The following NCAM1 variants were observed in gnomAD, a reference collection of about 807,000 sequenced individuals.
NCAM1 encodes neural cell adhesion molecule 1, also known as antigen recognized by monoclonal antibody 5.1H11.
A neutral mutation model predicts 109.8 loss-of-function variants in NCAM1; 14 were observed. The observed-to-expected ratio is 0.13, with a 90% CI of 0.08 to 0.20. The LOEUF is 0.20. Among genes scored for constraint, NCAM1 ranks in the 10% least tolerant of loss-of-function variants. NCAM1 has a pLI of 1.00. For missense variants in NCAM1, 774 were observed against 1,109.9 expected (o/e 0.70, Z 4.30); for synonymous variants, 418 against 442.9 (o/e 0.94, Z 0.70).
rs1945069862 is a variant in NCAM1, at chr11:113,233,469, C to T, written c.1693+152C>T. 2.8e-5 allele frequency among the ~76,000 whole-genome samples: 4 copies of T among 142,810 alleles called. No homozygotes were observed. The South Asian group carries it at 8.3e-4, about 30-fold the overall frequency. 93.7% of individuals were successfully genotyped at this position (142,810 alleles called of 152,430 possible). A position where few individuals can be genotyped will look rare whatever the true frequency, so the allele number is the denominator to read the frequency against. On this transcript the variant is annotated intron_variant, in intron 13 of 19. Transcript: ENST00000316851. This position sits in a 1 kb window ranked among gnomAD's most constrained non-coding sequence, Gnocchi z 4.5. ...ATATCTGCCTGTAGAGTTGTTGCCC[C>T]TATTGCCACCCCAACCCATGCTCTG...
chr11:113,052,085 T>A (rs1015530507), intron 1 of NCAM1, among the ~76,000 whole-genome samples: 1 of 152,196 alleles, frequency 6.6e-6, no homozygotes, highest in Non-Finnish European at 1.5e-5. Context: ...CATAGGGAAG[T>A]GTTCAATAAC....
intron 1 of NCAM1, among the ~76,000 whole-genome samples, chr11:113,018,250 T>G (rs879968212): frequency 6.6e-6 from 1 of 152,196 alleles, no homozygotes; most frequent in Admixed American, 6.5e-5. Flanking sequence ...AGTCCTGTAC[T>G]GTTGGGTATG....
chr11:113,212,917 G>A (rs1016406472), intron 7 of NCAM1, among the ~76,000 whole-genome samples: 5 of 152,128 alleles, frequency 3.3e-5, no homozygotes, highest in Admixed American at 1.3e-4. Flanking sequence ...TGAAATCTAT[G>A]AACATTTGGC....
In NCAM1 at chr11:113,232,249, C is replaced by G; in HGVS notation, c.1320C>G (p.Ala440=). The change falls in exon 11 of 20, where the codon GCC becomes GCG. Residue 440 remains alanine, a synonymous_variant. Coordinates refer to ENST00000316851, the MANE Select transcript of NCAM1 (RefSeq NM_181351.5). The stretch of plus-strand genomic sequence containing the variant: ...TGAACATCACCTGCGAGGTATTTGC[C>G]TATCCCAGTGCCACGATCTCATGGT... The part of the protein sequence containing the change: ...NQVNITCEVF[A]YPSATISWFR... 6 of 1,613,966 alleles carry G rather than the reference C, an allele frequency of 3.7e-6. No homozygotes were observed. Among genetic ancestry groups the G allele is most frequent in the Non-Finnish European group, 5.1e-6 (6 of 1,179,868 alleles).
intron 1 of NCAM1, among the ~76,000 whole-genome samples, chr11:112,992,672 T>G (rs1376556897): frequency 6.6e-6 from 1 of 151,852 alleles, no homozygotes; most frequent in Non-Finnish European, 1.5e-5. Context: ...GGCTAATTTT[T>G]TTATTTTTGT....
chr11:112,977,371 A>G (rs1283343294), intron 1 of NCAM1: 1 of 151,898 alleles, frequency 6.6e-6, no homozygotes, highest in Non-Finnish European at 1.5e-5. Flanking sequence ...TAGCTCTTTT[A>G]TAATTTGTCT....
At chr11:113,230,959 G>T (rs2137222829) in intron 9 of NCAM1, among the ~76,000 whole-genome samples, 1 of 152,288 alleles carries the variant, frequency 6.6e-6, no homozygotes, top group Admixed American at 6.5e-5. Flanking sequence ...ACTATAAAAT[G>T]GTGGTGGCCA....
intron 3 of NCAM1, among the ~76,000 whole-genome samples, chr11:113,204,935 T>C (rs1944190988): frequency 6.6e-6 from 1 of 152,220 alleles, no homozygotes; most frequent in Admixed American, 6.5e-5. Context: ...AAACCCCATC[T>C]GTAGGTGGCA....
intron 1 of NCAM1, among the ~76,000 whole-genome samples, chr11:113,085,790 C>T (rs1282639479): frequency 3.9e-5 from 6 of 152,172 alleles, no homozygotes; most frequent in African/African-American, 1.2e-4. Context: ...TAGTACTTTA[C>T]GGTTCTTAGT....
intron 2 of NCAM1, among the ~76,000 whole-genome samples, chr11:113,203,217 A>C (rs1196131260): frequency 3.3e-5 from 5 of 152,204 alleles, no homozygotes; most frequent in African/African-American, 9.6e-5. Context: ...AGCTTTTGGC[A>C]GGGAGGGGCC....
At chr11:113,240,715 C>T (rs1945295277) in intron 14 of NCAM1, 1 of 1,451,492 alleles carries the variant, frequency 6.9e-7, no homozygotes, top group African/African-American at 1.4e-5. Flanking sequence ...TTGTTGCTTC[C>T]ATTTTTTTTT....
chr11:113,043,439 C>T (rs965037631), intron 1 of NCAM1, among the ~76,000 whole-genome samples: 37 of 152,130 alleles, frequency 2.4e-4, no homozygotes, highest in East Asian at 1.9e-4. Context: ...CCCATTCAAG[C>T]GATTCTCCTG....
At chr11:113,163,576 A>G (rs1378962117) in intron 1 of NCAM1, among the ~76,000 whole-genome samples, 3 of 152,158 alleles carry the variant, frequency 2.0e-5, no homozygotes, top group South Asian at 2.1e-4. Context: ...GAATGGTAAT[A>G]CTCTGAAAGG....
Position 113,188,163 on chromosome 11 carries a change from A to G in NCAM1, c.53-14216A>G, listed in dbSNP as rs567022592. Among the ~76,000 whole-genome samples, 14 of 152,290 alleles carry G rather than the reference A, an allele frequency of 9.2e-5. No homozygotes were observed. The South Asian group carries it at 1.2e-3, about 14-fold the overall frequency. ...AGGGTGTGAGGAGAGAGAGAGCCAA[A>G]GGGGAATGAAGGTAGGGATGCTGTT... On this transcript the variant is annotated intron_variant, in intron 1 of 19. Coordinates refer to ENST00000316851, the MANE Select transcript of NCAM1 (RefSeq NM_181351.5).
intron 1 of NCAM1, among the ~76,000 whole-genome samples, chr11:113,104,464 A>T (rs12286447): frequency 0.069 from 10,430 of 151,946 alleles, 718 homozygotes; most frequent in Admixed American, 0.17. Flanking sequence ...TTTGAAACTT[A>T]TCTATTTGTT....
chr11:113,199,730 A>T (rs1448734230), intron 1 of NCAM1, among the ~76,000 whole-genome samples: 1 of 151,566 alleles, frequency 6.6e-6, no homozygotes, highest in East Asian at 1.9e-4. Context: ...ACATTTATAC[A>T]TATGTAACTA....
intron 1 of NCAM1, among the ~76,000 whole-genome samples, chr11:113,010,240 A>G (rs1952012384): frequency 6.6e-6 from 1 of 152,198 alleles, no homozygotes; most frequent in African/African-American, 2.4e-5. Context: ...ATATTTATTA[A>G]AGTAGGATCT....
At chr11:113,206,270 A>G (rs1256234909) in intron 5 of NCAM1, 90 bp downstream of exon 5, 7 of 1,383,436 alleles carry the variant, frequency 5.1e-6, no homozygotes, top group Non-Finnish European at 6.8e-6. Flanking sequence ...GGGTCTGTAA[A>G]TTAAATCCTG....
intron 1 of NCAM1, among the ~76,000 whole-genome samples, chr11:113,201,816 A>G (rs1434772794): frequency 6.6e-6 from 1 of 152,164 alleles, no homozygotes; most frequent in Non-Finnish European, 1.5e-5. Flanking sequence ...GTCGTGAGGG[A>G]AGGTGAGGGT....
Sources: gnomAD v4.1 joint callset for allele counts (sites outside exome capture counted in the v4.1 genomes callset) on GRCh38, gnomAD v4.1.1 for gene constraint, Gnocchi (gnomAD v3.1) non-coding constraint, MANE v1.5 for transcripts, NCBI Gene and HGNC (gene_info 2026-07-23, HGNC 2026-07-21) for gene names.